KDM5A: variants seen among roughly 807,000 people sequenced by gnomAD.
KDM5A encodes lysine-specific demethylase 5A.
KDM5A carries 42 observed loss-of-function variants against 193.5 expected under a neutral mutation model. The ratio of observed to expected loss-of-function variants is 0.22; its 90% CI spans 0.17 to 0.28. The LOEUF (loss-of-function observed/expected upper bound fraction) is 0.28. KDM5A is among the 10% of genes least tolerant of loss of function. KDM5A has a pLI of 1.00. For missense variants in KDM5A, 1,692 were observed against 2,055.1 expected (o/e 0.82, Z 3.42); for synonymous variants, 796 against 718.1 (o/e 1.11, Z -1.73).
In KDM5A at chr12:283,272, T is replaced by C. The variant is rs1943177220; in HGVS notation, c.*2184A>G. The C allele has an allele frequency of 4.3e-5, 10 of 231,954 alleles. No individual in the cohort carries two copies. The highest frequency in any genetic ancestry group is 6.0e-5 in the Non-Finnish European group (7 of 116,950). 14.4% of individuals were successfully genotyped at this position (231,954 alleles called of 1,614,324 possible). A position where few individuals can be genotyped will look rare whatever the true frequency, so the allele number is the denominator to read the frequency against. ...AAATATTGTGCTTTCTTGTATAACA[T>C]CAACCAGAGGAAATTCTTAATTGAT... On this transcript the variant is annotated 3_prime_UTR_variant, in exon 28 of 28. Transcript: ENST00000399788.
Position 281,070 on chromosome 12 carries a change from G to C in KDM5A, c.*4386C>G, listed in dbSNP as rs1375496950. On this transcript the variant is annotated 3_prime_UTR_variant, in exon 28 of 28. Transcript: ENST00000399788. ...CCACCAATGTAAATGACAGGGGTTA[G>C]GGTGGGTATGGGTGTGGGGAACCTG... 4.3e-6 allele frequency: 1 copy of C among 232,840 alleles called. No individual in the cohort carries two copies. The highest frequency in any genetic ancestry group is 2.2e-5 in the African/African-American group (1 of 45,310). The allele number at this position is 232,840 out of a possible 1,614,324, so 14.4% of individuals were successfully genotyped here.
Position 331,889 on chromosome 12 carries a change from C to G in KDM5A, c.1703G>C (p.Arg568Pro). 1 of 1,613,928 alleles carries G rather than the reference C, an allele frequency of 6.2e-7. No individual in the cohort carries two copies. Among genetic ancestry groups the G allele is most frequent in the Non-Finnish European group, 8.5e-7 (1 of 1,179,944 alleles). ...CAGEFVVTFP[R>P]AYHSGFNQGY... ...CTGGTTAAATCCAGAGTGATAGGCA[C>G]GAGGAAATGTCACAACAAACTCGCC... Residue 568 changes from arginine to proline, a missense_variant, in exon 13 of 28, where the codon CGT becomes CCT. Arg to Pro is a moderately radical substitution (Grantham distance 103). Coordinates refer to ENST00000399788, the MANE Select transcript of KDM5A (RefSeq NM_001042603.3).
chr12:318,747 T>C (rs1310928519), intron 18 of KDM5A, among the ~76,000 whole-genome samples: 3 of 152,188 alleles, frequency 2.0e-5, no homozygotes, highest in African/African-American at 7.2e-5. Flanking sequence ...AAAGAAGACA[T>C]AAAATAGTCC....
chr12:293,788 A>AGGG (rs34107168), intron 26 of KDM5A, among the ~76,000 whole-genome samples: 60 of 82,844 alleles, frequency 7.2e-4, no homozygotes, highest in Non-Finnish European at 1.1e-3. Context: ...CAAAAAAAAA[A>AGGG]GGGGGGGGGG....
intron 12 of KDM5A, 181 bp downstream of exon 12, chr12:333,306 C>A: frequency 1.5e-6 from 1 of 662,388 alleles, no homozygotes; most frequent in Non-Finnish European, 2.7e-6. Flanking sequence ...ATAGTCCCAG[C>A]TACTCATTAG....
chr12:293,244 A>C, intron 26 of KDM5A, 75 bp from the exon 27 acceptor site: 2 of 1,263,204 alleles, frequency 1.6e-6, no homozygotes, highest in South Asian at 2.6e-5. Context: ...TATATGAGGT[A>C]CCTAGAATAG....
chr12:387,619 C>G (rs780028588), intron 1 of KDM5A, among the ~76,000 whole-genome samples: 1 of 152,080 alleles, frequency 6.6e-6, no homozygotes, highest in Admixed American at 6.6e-5. Context: ...GAGAGCATTA[C>G]GTCTGTTTCA....
In KDM5A at chr12:329,814, G is replaced by A. The variant is rs191019112; in HGVS notation, c.1774-785C>T. Among the ~76,000 whole-genome samples the A allele has an allele frequency of 4.5e-3, 682 of 152,028 alleles. 2 individuals are homozygous for A. The highest frequency in any genetic ancestry group is 0.014 in the Middle Eastern group (4 of 294). ...ATAGCTATGCCCTACACGTATATAC[G>A]CACTCCAACTTCAACTTCTTTCCTA... On this transcript the variant is annotated intron_variant, in intron 13 of 27. Transcript: ENST00000399788.
Position 334,496 on chromosome 12 carries a change from T to C in KDM5A, c.1309-74A>G. ...CTCAATAGAAATGCCAAGGGAGTCT[T>C]CCCAGAAAATTTTTTTATAATATTT... On this transcript the variant is annotated intron_variant, in intron 10 of 27. Coordinates refer to ENST00000399788, the MANE Select transcript of KDM5A (RefSeq NM_001042603.3). 2.3e-6 allele frequency: 3 copies of C among 1,279,730 alleles called. No homozygotes were observed. In the South Asian group the frequency reaches 3.6e-5, roughly 15 times the overall value. 79.3% of individuals were successfully genotyped at this position (1,279,730 alleles called of 1,614,324 possible).
rs200720917 is a variant in KDM5A, at chr12:310,949, C to T, written c.3152G>A (p.Arg1051Gln). 6.8e-6 allele frequency: 11 copies of T among 1,614,192 alleles called. No homozygotes were observed. The highest frequency in any genetic ancestry group is 1.3e-5 in the African/African-American group (1 of 75,044). ...PQVESQVAAA[R>Q]AWRERTGRTF... is the part of the protein sequence containing the mutation. The stretch of plus-strand genomic sequence containing the variant: ...CCGCCCAGTCCGTTCTCTCCATGCC[C>T]GTGCTGCTGCTACCTGTGATTCCAC... Residue 1051 changes from arginine (R) to glutamine (Q), a missense_variant, in exon 21 of 28, where the codon CGG becomes CAG. By Grantham distance (43) the Arg-to-Gln change is conservative (BLOSUM62 1). Around this residue, in one of 11 missense-constraint regions of KDM5A, gnomAD observed 965 missense variants for 1,061.0 expected, o/e 0.91. Coordinates refer to ENST00000399788, the MANE Select transcript of KDM5A (RefSeq NM_001042603.3).
At chr12:304,027 T>C (rs1943475306) in intron 24 of KDM5A, among the ~76,000 whole-genome samples, 1 of 152,206 alleles carries the variant, frequency 6.6e-6, no homozygotes, top group South Asian at 2.1e-4. Flanking sequence ...TGCCCATTAA[T>C]CTCATTGTTA....
intron 3 of KDM5A, among the ~76,000 whole-genome samples, chr12:370,503 A>G (rs1395475493): frequency 6.6e-6 from 1 of 152,260 alleles, no homozygotes; most frequent in Non-Finnish European, 1.5e-5. Context: ...ATGCTCTATA[A>G]AAAGATACAT....
chr12:335,428 A>G (rs1310820290), intron 10 of KDM5A, among the ~76,000 whole-genome samples: 3 of 152,228 alleles, frequency 2.0e-5, no homozygotes. Context: ...TTGCAGGAGT[A>G]CAGTGTGAGT....
At chr12:374,873 C>CT (rs533467027) in intron 3 of KDM5A, among the ~76,000 whole-genome samples, 8,560 of 149,118 alleles carry the variant, frequency 0.057, 772 homozygotes, top group African/African-American at 0.19. Flanking sequence ...GTTGAAAATT[C>CT]TTTTTTTTTT....
rs562663029 is a variant in KDM5A, at chr12:357,108, C to T, written c.673-571G>A. Among the ~76,000 whole-genome samples, 40 of 152,174 alleles carry T rather than the reference C, an allele frequency of 2.6e-4. No individual in the cohort carries two copies. In the South Asian group the frequency reaches 7.5e-3, roughly 28 times the overall value. On this transcript the variant is annotated intron_variant, in intron 5 of 27. Coordinates refer to ENST00000399788, the MANE Select transcript of KDM5A (RefSeq NM_001042603.3). ...CAGCCTGGACAACACAGGGGAGACC[C>T]CATCTCTACAAAAAGTACAAAAATT...
At chr12:305,969 G>GTT (rs3038312) in intron 24 of KDM5A, among the ~76,000 whole-genome samples, 1,367 of 104,082 alleles carry the variant, frequency 0.013, 58 homozygotes, top group African/African-American at 0.035. Context: ...CAATGGAAGT[G>GTT]TTTTTTTTTT....
intron 10 of KDM5A, among the ~76,000 whole-genome samples, chr12:338,816 C>G (rs1321894603): frequency 6.6e-6 from 1 of 152,128 alleles, no homozygotes; most frequent in Non-Finnish European, 1.5e-5. Flanking sequence ...AAAAATCTTT[C>G]CAACATTTCA....
At chr12:358,703 T>C (rs193240340) in intron 5 of KDM5A, among the ~76,000 whole-genome samples, 2 of 152,276 alleles carry the variant, frequency 1.3e-5, no homozygotes, top group African/African-American at 4.8e-5. Flanking sequence ...CCAGGCATGA[T>C]GACTCACACT....
chr12:345,276 T>C (rs984883208), intron 10 of KDM5A, among the ~76,000 whole-genome samples: 5 of 152,124 alleles, frequency 3.3e-5, no homozygotes, highest in African/African-American at 1.2e-4. Context: ...AAGCAAGTCC[T>C]TAGAGACCCA....
Sources: allele counts gnomAD v4.1 joint callset (sites outside exome capture counted in the v4.1 genomes callset), GRCh38; gene constraint gnomAD v4.1.1; regional missense constraint gnomAD v4.1.1; transcripts MANE v1.5; gene names NCBI Gene and HGNC (gene_info 2026-07-23, HGNC 2026-07-21).